ZSWIM2: variants seen among roughly 807,000 people sequenced by gnomAD.
The protein encoded by ZSWIM2 is zinc finger SWIM-type containing 2, also known as E3 ubiquitin-protein ligase ZSWIM2.
A neutral mutation model predicts 48.4 loss-of-function variants in ZSWIM2; 38 were observed. That is an observed-to-expected ratio of 0.79 (90% CI 0.61 to 1.03). The LOEUF is 1.03. ZSWIM2 is among the 50% of genes least tolerant of loss of function. The probability of loss-of-function intolerance (pLI) is 0.00; values close to 1 mark genes in which losing one functional copy is unlikely to be tolerated. For synonymous variants in ZSWIM2, 240 were observed against 251.3 expected (o/e 0.96, Z 0.42); for missense variants, 776 against 730.2 (o/e 1.06, Z -0.72).
intron 7 of ZSWIM2, among the ~76,000 whole-genome samples, chr2:186,832,738 A>T (rs1691725045): frequency 6.6e-6 from 1 of 152,148 alleles, no homozygotes; most frequent in South Asian, 2.1e-4. Context: ...CATATCTAGT[A>T]TAGTTTCTGG....
rs148859310 is a variant in ZSWIM2 at position 186,839,111 on chromosome 2, A to G, written c.342T>C (p.His114=). 123 of 1,611,628 alleles carry G rather than the reference A, an allele frequency of 7.6e-5. No homozygotes were observed. Among genetic ancestry groups the G allele is most frequent in the Non-Finnish European group, 9.4e-5 (111 of 1,178,378 alleles). The change falls in exon 4 of 9, where the codon CAT becomes CAC. Residue 114 remains histidine, a synonymous_variant. Coordinates refer to ENST00000295131, the MANE Select transcript of ZSWIM2 (RefSeq NM_182521.3). ...TTCCTGGTTGGGGAGTTTGAACTCGATGTATCCCCCGAAGCAAGTCACTTA... is the reference window on the plus strand; with the variant it reads ...TTCCTGGTTGGGGAGTTTGAACTCGGTGTATCCCCCGAAGCAAGTCACTTA... ...REISDLLRGI[H]RVQTPQPGTN...
At position 186,829,842 on chromosome 2, in the gene ZSWIM2, G is replaced by C. The variant is rs1691667030; in HGVS notation, c.980C>G (p.Pro327Arg). The C allele has an allele frequency of 1.2e-6, 2 of 1,613,630 alleles. No homozygotes were observed. The highest frequency in any genetic ancestry group is 1.7e-6 in the Non-Finnish European group (2 of 1,179,754). Residue 327 changes from proline (P) to arginine (R), a missense_variant, in exon 8 of 9, where the codon CCT becomes CGT. Transcript: ENST00000295131. ...ACTATTCTTAGTAATCAGTTGGAGAGGCAGTGATCTTACAATGTGTTTTGG... is the reference window on the plus strand; with the variant it reads ...ACTATTCTTAGTAATCAGTTGGAGACGCAGTGATCTTACAATGTGTTTTGG... ...YTPKHIVRSL[P>R]LQLITKNSKL...
rs1033806641 is a variant in ZSWIM2, at chr2:186,828,562, G to A, written c.1324C>T (p.Pro442Ser). The change falls in exon 9 of 9, where the codon CCT (proline) becomes TCT (serine). Residue 442 changes from proline to serine, a missense_variant. By Grantham distance (74) the Pro-to-Ser change is moderately conservative. Coordinates refer to ENST00000295131, the MANE Select transcript of ZSWIM2 (RefSeq NM_182521.3). ...TCAAAATTACACTGAGGTATGCTAG[G>A]TAAAATTCCAAGTCTATTTTGTTTT... ...VLKQNRLGIL[P>S]SIPQCNFDEL... The A allele has an allele frequency of 1.2e-6, 2 of 1,612,952 alleles. No homozygotes were observed. The highest frequency in any genetic ancestry group is 8.5e-7 in the Non-Finnish European group (1 of 1,179,412).
At chr2:186,842,085 T>C (rs1247869529) in intron 3 of ZSWIM2, among the ~76,000 whole-genome samples, 1 of 151,264 alleles carries the variant, frequency 6.6e-6, no homozygotes, top group Non-Finnish European at 1.5e-5. Context: ...GTCTCAGGTT[T>C]CTTATATGCA....
chr2:186,847,108 G>A (rs1692018369), intron 2 of ZSWIM2, among the ~76,000 whole-genome samples: 1 of 151,796 alleles, frequency 6.6e-6, no homozygotes, highest in Admixed American at 6.6e-5. Context: ...TACACTATAA[G>A]TCCAGACTTC....
rs1453565875 is a variant in ZSWIM2, at chr2:186,828,467, G to A, written c.1419C>T (p.Ile473=). The A allele has an allele frequency of 1.2e-6, 2 of 1,613,134 alleles. No homozygotes were observed. Among genetic ancestry groups the A allele is most frequent in the African/African-American group, 2.7e-5 (2 of 74,832 alleles). Residue 473 remains isoleucine (I), a synonymous_variant, in exon 9 of 9, where the codon ATC becomes ATT. Coordinates refer to ENST00000295131, the MANE Select transcript of ZSWIM2 (RefSeq NM_182521.3). ...ENTTIDNLCS[I]KLDNSNSKKL... ...TTTTTGAATTTGAATTATCTAATTTGATAGAGCATAGATTATCTATTGTTG... is the reference window on the plus strand; with the variant it reads ...TTTTTGAATTTGAATTATCTAATTTAATAGAGCATAGATTATCTATTGTTG...
chr2:186,848,827 CG>C, intron 1 of ZSWIM2, 138 bp downstream of exon 1: 1 of 1,063,706 alleles, frequency 9.4e-7, no homozygotes, highest in Non-Finnish European at 1.4e-6. Context: ...CTGGAACACT[CG>C]TGGGAAGGCG....
Position 186,849,158 on chromosome 2 carries a change from T to G in ZSWIM2, c.-28A>C. 3.8e-6 allele frequency: 6 copies of G among 1,585,706 alleles called. No homozygotes were observed. The highest frequency in any genetic ancestry group is 5.2e-6 in the Non-Finnish European group (6 of 1,162,578). On this transcript the variant is annotated 5_prime_UTR_variant, in exon 1 of 9. Coordinates refer to ENST00000295131, the MANE Select transcript of ZSWIM2 (RefSeq NM_182521.3). ...TGGGTGCGGGCGGAGGCGGCCCCTC[T>G]GCTCGGCTCACTGAGGCGCCAGCCG... is the stretch of plus-strand genomic sequence containing the variant.
In ZSWIM2 at chr2:186,829,845, A is replaced by T; in HGVS notation, c.977T>A (p.Leu326Gln). Residue 326 changes from leucine (L) to glutamine (Q), a missense_variant, in exon 8 of 9, where the codon CTG becomes CAG. Transcript: ENST00000295131. ...ATTCTTAGTAATCAGTTGGAGAGGC[A>T]GTGATCTTACAATGTGTTTTGGTGT... ...VYTPKHIVRSLPLQLITKNSK... is the reference protein window; with the variant it reads ...VYTPKHIVRSQPLQLITKNSK... 1 of 1,613,700 alleles carries T rather than the reference A, an allele frequency of 6.2e-7. No homozygotes were observed. Among genetic ancestry groups the T allele is most frequent in the Non-Finnish European group, 8.5e-7 (1 of 1,179,764 alleles).
At chr2:186,832,685 A>G (rs1236917508) in intron 7 of ZSWIM2, among the ~76,000 whole-genome samples, 1 of 152,098 alleles carries the variant, frequency 6.6e-6, no homozygotes, top group African/African-American at 2.4e-5. Context: ...TTTTACATTT[A>G]TGTCGATGAT....
Position 186,828,036 on chromosome 2 carries a change from A to C in ZSWIM2, c.1850T>G (p.Val617Gly), listed in dbSNP as rs755311527. 5.6e-6 allele frequency: 9 copies of C among 1,610,888 alleles called. No individual in the cohort carries two copies. Among genetic ancestry groups the C allele is most frequent in the Non-Finnish European group, 7.6e-6 (9 of 1,178,940 alleles). Reference sequence around the variant, plus strand: ...AGATAGCTCAGTACTTTTTGTATTTACAGAGTGAGACACAGGCTGTCTTGA... The same window carrying C: ...AGATAGCTCAGTACTTTTTGTATTTCCAGAGTGAGACACAGGCTGTCTTGA... ...HLSRQPVSHS[V>G]NTKSTELSLI... Residue 617 changes from valine to glycine, a missense_variant, in exon 9 of 9, where the codon GTA becomes GGA. Val to Gly is a moderately radical substitution (Grantham distance 109, BLOSUM62 -3). Transcript: ENST00000295131.
Position 186,829,860 on chromosome 2 carries a change from T to A in ZSWIM2, c.962A>T (p.His321Leu), listed in dbSNP as rs577595485. 1.9e-6 allele frequency: 3 copies of A among 1,613,476 alleles called. No homozygotes were observed. Among genetic ancestry groups the A allele is most frequent in the Non-Finnish European group, 2.5e-6 (3 of 1,179,730 alleles). ...TTGGAGAGGCAGTGATCTTACAATG[T>A]GTTTTGGTGTGTAAACTTGGCTGAA... ...EKQGQVYTPK[H>L]IVRSLPLQLI... The change falls in exon 8 of 9, where the codon CAC (histidine) becomes CTC (leucine). Residue 321 changes from histidine (H) to leucine (L), a missense_variant. By Grantham distance (99) the His-to-Leu change is moderately conservative. Transcript: ENST00000295131.
intron 7 of ZSWIM2, among the ~76,000 whole-genome samples, chr2:186,832,094 C>G (rs1167254452): frequency 4.0e-5 from 6 of 151,056 alleles, no homozygotes; most frequent in Non-Finnish European, 7.4e-5. Flanking sequence ...ATACAACATG[C>G]TATATTTTCT....
At chr2:186,848,060 G>GA (rs888571400) in intron 1 of ZSWIM2, among the ~76,000 whole-genome samples, 1 of 151,798 alleles carries the variant, frequency 6.6e-6, no homozygotes, top group African/African-American at 2.4e-5. Flanking sequence ...AGTCAGAGAA[G>GA]AAAAAAAGCA....
chr2:186,832,982 T>C, intron 7 of ZSWIM2, 138 bp downstream of exon 7: 2 of 367,448 alleles, frequency 5.4e-6, no homozygotes, highest in South Asian at 1.2e-4. Context: ...TTCAACTGGA[T>C]GGTACAATGC....
intron 3 of ZSWIM2, among the ~76,000 whole-genome samples, chr2:186,844,461 TA>T (rs1220007664): frequency 2.0e-5 from 3 of 151,654 alleles, no homozygotes; most frequent in African/African-American, 7.2e-5. Context: ...TCCTACTTAA[TA>T]ACTGGCCATT....
chr2:186,845,826 A>G (rs1162741166), intron 2 of ZSWIM2, among the ~76,000 whole-genome samples: 3 of 151,714 alleles, frequency 2.0e-5, no homozygotes, highest in African/African-American at 7.2e-5. Flanking sequence ...AATCTTCAAT[A>G]GAGTTCTACT....
chr2:186,829,726 C>A lies in ZSWIM2; in HGVS notation c.1095+1G>T, dbSNP rs767068079. ...TAAAACTAAAATGATGTGACTTTTA[C>A]CTTGTGAGTACATGGTAGCAATCTT... On this transcript the variant is annotated splice_donor_variant, in intron 8 of 8. Transcript: ENST00000295131. LOFTEE classifies it high-confidence loss of function. 2 of 1,606,912 alleles carry A rather than the reference C, an allele frequency of 1.2e-6. No homozygotes were observed. The highest frequency in any genetic ancestry group is 1.1e-5 in the South Asian group (1 of 90,116).
At chr2:186,835,856 T>C (rs2105818136) in intron 5 of ZSWIM2, among the ~76,000 whole-genome samples, 1 of 152,234 alleles carries the variant, frequency 6.6e-6, no homozygotes, top group African/African-American at 2.4e-5. Flanking sequence ...AGATGAGTAA[T>C]TGTTAGCCAG....
Sources: allele counts gnomAD v4.1 joint callset (sites outside exome capture counted in the v4.1 genomes callset), GRCh38; gene constraint gnomAD v4.1.1; transcripts MANE v1.5; gene names NCBI Gene and HGNC (gene_info 2026-07-23, HGNC 2026-07-21).